RSRC1: variants seen among roughly 807,000 people sequenced by gnomAD.
RSRC1 encodes the protein arginine and serine rich coiled-coil 1.
Under a neutral mutation model 49.1 loss-of-function variants are expected in RSRC1, and 39 were observed. The observed-to-expected ratio is 0.79, with a 90% CI of 0.61 to 1.04. The LOEUF (loss-of-function observed/expected upper bound fraction) is 1.04, where lower values mean the gene tolerates loss of function less well. RSRC1 is among the 50% of genes least tolerant of loss of function. The pLI, the probability that RSRC1 is intolerant of heterozygous loss-of-function variation, is 0.00. For synonymous variants in RSRC1, 143 were observed against 130.8 expected (o/e 1.09, Z -0.63); for missense variants, 388 against 402.4 (o/e 0.96, Z 0.31).
chr3:158,142,874 C>T (rs981045407), intron 3 of RSRC1, among the ~76,000 whole-genome samples: 4 of 152,242 alleles, frequency 2.6e-5, no homozygotes, highest in Admixed American at 1.3e-4. Context: ...TCACTTGTGT[C>T]GTAGGCTTCC....
chr3:158,255,858 T>C (rs1045294488), intron 4 of RSRC1, among the ~76,000 whole-genome samples: 21 of 152,176 alleles, frequency 1.4e-4, no homozygotes, highest in Non-Finnish European at 2.5e-4. Context: ...CTGTCTGTTA[T>C]TGGTGTCTGT....
chr3:158,252,749 T>A (rs550745265), intron 4 of RSRC1, among the ~76,000 whole-genome samples: 36 of 152,282 alleles, frequency 2.4e-4, no homozygotes, highest in Middle Eastern at 3.4e-3. Flanking sequence ...TTTATTATGA[T>A]TTTGATCTCG....
chr3:158,286,163 C>T (rs1726542976), intron 4 of RSRC1, among the ~76,000 whole-genome samples: 1 of 152,152 alleles, frequency 6.6e-6, no homozygotes. Flanking sequence ...GCTTTGCTGC[C>T]TCCTCCCTAA....
chr3:158,132,334 A>G (rs1423273466), intron 3 of RSRC1: 1 of 153,588 alleles, frequency 6.5e-6, no homozygotes, highest in Non-Finnish European at 1.5e-5. Flanking sequence ...ATACTTGTGA[A>G]TTTACTTCTA....
chr3:158,140,197 C>A (rs1716657008), intron 3 of RSRC1, among the ~76,000 whole-genome samples: 1 of 152,110 alleles, frequency 6.6e-6, no homozygotes, highest in East Asian at 1.9e-4. Flanking sequence ...CTACCTCTTG[C>A]CTTTGGAATC....
At chr3:158,322,065 G>A (rs1453138519) in intron 5 of RSRC1, among the ~76,000 whole-genome samples, 1 of 151,544 alleles carries the variant, frequency 6.6e-6, no homozygotes, top group East Asian at 1.9e-4. Context: ...CCTTCCTGTG[G>A]TTCCAAGTTA....
intron 6 of RSRC1, among the ~76,000 whole-genome samples, chr3:158,427,359 A>G (rs932211802): frequency 2.0e-5 from 3 of 151,848 alleles, no homozygotes; most frequent in African/African-American, 2.4e-5. Context: ...AAATGTATGC[A>G]TTACTTTAAC....
chr3:158,431,492 G>C (rs537323809), intron 6 of RSRC1, among the ~76,000 whole-genome samples: 1 of 151,738 alleles, frequency 6.6e-6, no homozygotes, highest in South Asian at 2.1e-4. Flanking sequence ...ATTAGACTAA[G>C]TTTCTCTATT....
intron 7 of RSRC1, among the ~76,000 whole-genome samples, chr3:158,512,229 A>G (rs1740229083): frequency 6.9e-6 from 1 of 144,980 alleles, no homozygotes; most frequent in Admixed American, 6.9e-5. Context: ...GTTTTCTTCG[A>G]GGGTTTTTAT....
At chr3:158,363,348 C>CT (rs1731584685) in intron 6 of RSRC1, among the ~76,000 whole-genome samples, 1 of 151,346 alleles carries the variant, frequency 6.6e-6, no homozygotes, top group Non-Finnish European at 1.5e-5. Flanking sequence ...ACCACGTCCT[C>CT]TGTCTTCTAG....
At chr3:158,302,026 G>A (rs554227088) in intron 5 of RSRC1, among the ~76,000 whole-genome samples, 1 of 144,884 alleles carries the variant, frequency 6.9e-6, no homozygotes, top group East Asian at 2.1e-4. Context: ...CTGTGTGTGT[G>A]TATGTGTGGT....
intron 7 of RSRC1, among the ~76,000 whole-genome samples, chr3:158,528,000 A>G (rs551132443): frequency 1.8e-4 from 27 of 151,974 alleles, no homozygotes; most frequent in African/African-American, 6.5e-4. Flanking sequence ...GTGTATATAT[A>G]TGTTTATTTT....
At chr3:158,264,272 T>A (rs988277429) in intron 4 of RSRC1, among the ~76,000 whole-genome samples, 1 of 152,222 alleles carries the variant, frequency 6.6e-6, no homozygotes, top group Non-Finnish European at 1.5e-5. Flanking sequence ...GATTTGTTCT[T>A]TCTCCATGGG....
intron 3 of RSRC1, among the ~76,000 whole-genome samples, chr3:158,137,655 CTTT>C (rs11388972): frequency 1.4e-5 from 2 of 138,518 alleles, no homozygotes; most frequent in Non-Finnish European, 3.1e-5. Flanking sequence ...TTTTCTTTTT[CTTT>C]TTTTTTTTTT....
At chr3:158,147,853 T>C (rs1342321972) in intron 3 of RSRC1, among the ~76,000 whole-genome samples, 2 of 152,214 alleles carry the variant, frequency 1.3e-5, no homozygotes, top group African/African-American at 4.8e-5. Flanking sequence ...AGTCTAGCAG[T>C]GCTTCTCAAA....
intron 7 of RSRC1, among the ~76,000 whole-genome samples, chr3:158,464,436 GT>G (rs1417658891): frequency 6.6e-6 from 1 of 151,900 alleles, no homozygotes; most frequent in African/African-American, 2.4e-5. Flanking sequence ...CCATCTGTTA[GT>G]TTTTTTACTT....
chr3:158,337,702 C>T (rs1729997453), intron 5 of RSRC1, among the ~76,000 whole-genome samples: 1 of 152,056 alleles, frequency 6.6e-6, no homozygotes, highest in Non-Finnish European at 1.5e-5. Context: ...ATGTTAAGTC[C>T]TTCCTGTGTT....
intron 7 of RSRC1, among the ~76,000 whole-genome samples, chr3:158,528,801 C>T (rs989882748): frequency 2.0e-5 from 3 of 151,874 alleles, no homozygotes; most frequent in African/African-American, 7.3e-5. Context: ...ATTATGAATT[C>T]TTACCACTCT....
chr3:158,528,747 C>A (rs1712194972), intron 7 of RSRC1, among the ~76,000 whole-genome samples: 1 of 151,822 alleles, frequency 6.6e-6, no homozygotes, highest in Admixed American at 6.6e-5. Flanking sequence ...TTTTTCCTAC[C>A]CTATTAAAAT....
Sources: allele counts gnomAD v4.1 joint callset (sites outside exome capture counted in the v4.1 genomes callset), GRCh38; gene constraint gnomAD v4.1.1; transcripts MANE v1.5; gene names NCBI Gene and HGNC (gene_info 2026-07-23, HGNC 2026-07-21).